The following ADAMTS3 variants were observed in gnomAD, a reference collection of about 807,000 sequenced individuals.
ADAMTS3 encodes the protein A disintegrin and metalloproteinase with thrombospondin motifs 3.
In ADAMTS3, 73 loss-of-function variants were observed where a neutral mutation model predicts 129.0. The observed-to-expected ratio is 0.57, with a 90% CI of 0.47 to 0.69. ADAMTS3 has a LOEUF of 0.69. ADAMTS3 is among the 30% of genes least tolerant of loss of function. The pLI is 0.00. For synonymous variants in ADAMTS3, 477 were observed against 510.8 expected (o/e 0.93, Z 0.89); for missense variants, 1,457 against 1,514.5 (o/e 0.96, Z 0.63).
In ADAMTS3 at chr4:72,413,119, G is replaced by T. The variant is rs765240843; in HGVS notation, c.661+1696C>A. On this transcript the variant is annotated intron_variant, in intron 4 of 21. Coordinates refer to ENST00000286657, the MANE Select transcript of ADAMTS3 (RefSeq NM_014243.3). ...TTCTTCTTATAAATATCAGACTAAT[G>T]AAAAGTACTAGGGCTAATATTTATA... is the stretch of plus-strand genomic sequence containing the variant. Among the ~76,000 whole-genome samples the T allele has an allele frequency of 3.4e-4, 51 of 151,744 alleles. 1 individual carries two copies. Among genetic ancestry groups the T allele is most frequent in the Non-Finnish European group, 5.9e-4 (40 of 67,880 alleles).
Position 72,399,842 on chromosome 4 carries a change from CACACACGGTGTGTATATACGTGTGTATAT to C in ADAMTS3, c.661+14944_661+14972del, listed in dbSNP as rs1464398995. On this transcript the variant is annotated intron_variant, in intron 4 of 21. Transcript: ENST00000286657. ...GTGTATATACGTGTGTATATATATA[CACACACGGTGTGTATATACGTGTGTATAT>C]ATACACACACGGTGTGTATATACGT... Among the ~76,000 whole-genome samples, 24 of 111,590 alleles carry C rather than the reference CACACACGGTGTGTATATACGTGTGTATAT, an allele frequency of 2.2e-4. 3 individuals carry two copies. The highest frequency in any genetic ancestry group is 1.1e-3 in the Admixed American group (12 of 10,962). The allele number at this position is 111,590 out of a possible 152,430, so 73.2% of individuals were successfully genotyped here. A position where few individuals can be genotyped will look rare whatever the true frequency, so the allele number is the denominator to read the frequency against.
chr4:72,542,796 T>C (rs1721367408), intron 3 of ADAMTS3, among the ~76,000 whole-genome samples: 1 of 152,200 alleles, frequency 6.6e-6, no homozygotes, highest in South Asian at 2.1e-4. Context: ...GAGACCAGAA[T>C]TAGAAACACA....
intron 3 of ADAMTS3, among the ~76,000 whole-genome samples, chr4:72,425,311 AC>A (rs1476972075): frequency 2.6e-5 from 4 of 152,038 alleles, no homozygotes; most frequent in African/African-American, 9.7e-5. Flanking sequence ...AATATATAAA[AC>A]ATTTATTTTT....
chr4:72,304,676 A>T (rs948352665), intron 16 of ADAMTS3, among the ~76,000 whole-genome samples: 1 of 152,108 alleles, frequency 6.6e-6, no homozygotes, highest in Non-Finnish European at 1.5e-5. Context: ...TATTTATTAC[A>T]TATTATACAA....
At chr4:72,514,561 C>T (rs187264539) in intron 3 of ADAMTS3, among the ~76,000 whole-genome samples, 80 of 152,296 alleles carry the variant, frequency 5.3e-4, no homozygotes, top group African/African-American at 1.8e-3. Context: ...TCTGAGCTCA[C>T]TCAGCCCATC....
At chr4:72,531,880 T>G (rs1721052386) in intron 3 of ADAMTS3, among the ~76,000 whole-genome samples, 1 of 152,038 alleles carries the variant, frequency 6.6e-6, no homozygotes, top group African/African-American at 2.4e-5. Context: ...GAACATAGCC[T>G]GGGGAGATGG....
Position 72,318,597 on chromosome 4 carries a change from C to A in ADAMTS3, c.1460G>T (p.Gly487Val), listed in dbSNP as rs748315898. The A allele has an allele frequency of 1.2e-6, 2 of 1,613,624 alleles. No individual in the cohort carries two copies. Among genetic ancestry groups the A allele is most frequent in the East Asian group, 2.2e-5 (1 of 44,744 alleles). Residue 487 changes from glycine (G) to valine (V), a missense_variant, in exon 10 of 22, where the codon GGT (glycine) becomes GTT (valine). Physicochemically the swap from Gly to Val is moderately radical, Grantham distance 109. Coordinates refer to ENST00000286657, the MANE Select transcript of ADAMTS3 (RefSeq NM_014243.3). ...SMDEQCRFDF[G>V]VGYKMCTAFR... ...CGCGGTGCACATTTTATAGCCAACA[C>A]CAAAATCAAAACGACATTGCTCATC... is the stretch of plus-strand genomic sequence containing the variant.
intron 20 of ADAMTS3, among the ~76,000 whole-genome samples, chr4:72,289,653 G>A (rs886366407): frequency 2.0e-5 from 3 of 152,092 alleles, no homozygotes; most frequent in African/African-American, 7.2e-5. Context: ...ATGTTGAGAG[G>A]GACCTTTAAG....
intron 16 of ADAMTS3, among the ~76,000 whole-genome samples, chr4:72,305,412 G>T (rs890099432): frequency 6.6e-6 from 1 of 151,986 alleles, no homozygotes; most frequent in Non-Finnish European, 1.5e-5. Flanking sequence ...TACAGTATTG[G>T]ATCAATCAAA....
intron 15 of ADAMTS3, among the ~76,000 whole-genome samples, chr4:72,309,096 A>C (rs1719160997): frequency 6.6e-6 from 1 of 152,024 alleles, no homozygotes; most frequent in African/African-American, 2.4e-5. Flanking sequence ...TCTGCATTTT[A>C]TTAAAAATGC....
intron 4 of ADAMTS3, among the ~76,000 whole-genome samples, chr4:72,404,353 A>G (rs1159839103): frequency 2.0e-5 from 3 of 152,082 alleles, no homozygotes; most frequent in African/African-American, 7.2e-5. Flanking sequence ...CAGCCCAGAA[A>G]TAAACCCACA....
At chr4:72,313,558 C>A in intron 12 of ADAMTS3, 119 bp downstream of exon 12, 2 of 1,070,380 alleles carry the variant, frequency 1.9e-6, no homozygotes, top group Non-Finnish European at 2.6e-6. Context: ...GAACTGTGAA[C>A]AATTTATTTT....
chr4:72,338,458 T>G (rs1332609074), intron 5 of ADAMTS3, among the ~76,000 whole-genome samples: 1 of 152,150 alleles, frequency 6.6e-6, no homozygotes. Context: ...ATGGTATAAG[T>G]GTAATTTTAT....
chr4:72,567,397 C>T lies in ADAMTS3; in HGVS notation c.74G>A (p.Gly25Asp), dbSNP rs143125991. 1.3e-6 allele frequency: 2 copies of T among 1,579,762 alleles called. No homozygotes were observed. Among genetic ancestry groups the T allele is most frequent in the African/African-American group, 1.4e-5 (1 of 71,208 alleles). The change falls in exon 2 of 22, where the codon GGT (glycine) becomes GAT (aspartate). Residue 25 changes from glycine (G) to aspartate (D), a missense_variant. Physicochemically the swap from Gly to Asp is moderately conservative, Grantham distance 94. Coordinates refer to ENST00000286657, the MANE Select transcript of ADAMTS3 (RefSeq NM_014243.3). ...EVRTSADGQA[G>D]NEEMVQIDLP... ...ACCTATTTGCACCATTTCTTCATTA[C>T]CAGCCTGGAAAGGAGGGGGAAAGCA...
chr4:72,439,332 G>A (rs548740696), intron 3 of ADAMTS3, among the ~76,000 whole-genome samples: 77 of 151,734 alleles, frequency 5.1e-4, no homozygotes, highest in African/African-American at 1.8e-3. Flanking sequence ...TTCTCAAAAA[G>A]CTTTACAGAA....
At chr4:72,409,068 A>G (rs1214886033) in intron 4 of ADAMTS3, among the ~76,000 whole-genome samples, 1 of 152,044 alleles carries the variant, frequency 6.6e-6, no homozygotes, top group Non-Finnish European at 1.5e-5. Flanking sequence ...AGTATAATAA[A>G]AAATAAAATA....
chr4:72,304,606 C>A (rs1253464757), intron 16 of ADAMTS3, among the ~76,000 whole-genome samples: 2 of 152,018 alleles, frequency 1.3e-5, no homozygotes, highest in African/African-American at 4.8e-5. Context: ...AGAGCCATAT[C>A]ACCTACTCAT....
intron 3 of ADAMTS3, among the ~76,000 whole-genome samples, chr4:72,488,455 C>T (rs913269662): frequency 3.3e-5 from 5 of 151,936 alleles, no homozygotes; most frequent in Non-Finnish European, 7.4e-5. Flanking sequence ...GAAATACTGG[C>T]ATTTGTCATG....
intron 3 of ADAMTS3, among the ~76,000 whole-genome samples, chr4:72,503,136 C>A (rs538358002): frequency 3.3e-5 from 5 of 152,188 alleles, no homozygotes; most frequent in Non-Finnish European, 7.4e-5. Context: ...CGATTCTCTG[C>A]CTCAGCCTCC....
Sources: allele counts gnomAD v4.1 joint callset (sites outside exome capture counted in the v4.1 genomes callset), GRCh38; gene constraint gnomAD v4.1.1; transcripts MANE v1.5; gene names NCBI Gene and HGNC (gene_info 2026-07-23, HGNC 2026-07-21).